NDST3: variants seen among roughly 807,000 people sequenced by gnomAD.
NDST3 encodes the protein N-deacetylase and N-sulfotransferase 3.
A neutral mutation model predicts 96.1 loss-of-function variants in NDST3; 58 were observed. The ratio of observed to expected loss-of-function variants is 0.60; its 90% confidence interval spans 0.49 to 0.75. The LOEUF (loss-of-function observed/expected upper bound fraction) is 0.75, where lower values mean the gene tolerates loss of function less well. NDST3 is among the 30% of genes least tolerant of loss of function. The probability of loss-of-function intolerance (pLI) is 0.00; values close to 1 mark genes in which losing one functional copy is unlikely to be tolerated. For synonymous variants in NDST3, 333 were observed against 359.7 expected, an observed-to-expected ratio of 0.93 and a Z score of 0.84; for missense variants, 788 against 1,034.2, an observed-to-expected ratio of 0.76 and a Z score of 3.27.
intron 6 of NDST3, among the ~76,000 whole-genome samples, chr4:118,176,790 G>T (rs577697005): frequency 6.6e-6 from 1 of 152,148 alleles, no homozygotes; most frequent in South Asian, 2.1e-4. Flanking sequence ...TTTACTTTAT[G>T]AGATATGAAA....
chr4:118,079,302 G>A (rs1727824082), intron 2 of NDST3, among the ~76,000 whole-genome samples: 1 of 152,190 alleles, frequency 6.6e-6, no homozygotes, highest in Non-Finnish European at 1.5e-5. Context: ...CAGGGTCAGT[G>A]GGATGCAGAG....
Position 118,233,989 on chromosome 4 carries a change from A to G in NDST3, c.1943+854A>G, listed in dbSNP as rs7661076. On this transcript the variant is annotated intron_variant, in intron 9 of 13. Transcript: ENST00000296499. ...AATGGAAAGGAAAAGAAATGGATTG[A>G]GTATAATTTGAGCACCTACTAGGAT... Among the ~76,000 whole-genome samples the G allele has an allele frequency of 1.6e-3, 249 of 152,330 alleles. 1 individual carries two copies. Among genetic ancestry groups the G allele is most frequent in the African/African-American group, 5.6e-3 (231 of 41,588 alleles).
rs1018809500 is a variant in NDST3, at chr4:118,194,806, C to T, written c.1540-29685C>T. ...GGCACCGGCACCAGCATACTCTGAGCCAAAGGCAGGGGTGCTACCTTCAGG... is the reference window on the plus strand; with the variant it reads ...GGCACCGGCACCAGCATACTCTGAGTCAAAGGCAGGGGTGCTACCTTCAGG... On this transcript the variant is annotated intron_variant, in intron 6 of 13. Coordinates refer to ENST00000296499, the MANE Select transcript of NDST3 (RefSeq NM_004784.3). 10 of 379,136 alleles carry T rather than the reference C, an allele frequency of 2.6e-5. No homozygotes were observed. The East Asian group carries it at 5.6e-4, about 21-fold the overall frequency. 23.5% of individuals were successfully genotyped at this position (379,136 alleles called of 1,614,324 possible).
intron 10 of NDST3, among the ~76,000 whole-genome samples, chr4:118,238,145 GA>G (rs1218051129): frequency 5.8e-5 from 7 of 121,344 alleles, no homozygotes; most frequent in African/African-American, 9.7e-5. Flanking sequence ...GAGAGAGAGA[GA>G]AAAGAAAGAA....
chr4:118,199,366 C>G (rs1737915830), intron 6 of NDST3, among the ~76,000 whole-genome samples: 1 of 152,064 alleles, frequency 6.6e-6, no homozygotes, highest in African/African-American at 2.4e-5. Context: ...CTTCAGCATG[C>G]CAGCTGCATT....
chr4:118,147,869 G>A (rs756456767), intron 6 of NDST3, among the ~76,000 whole-genome samples: 1 of 152,136 alleles, frequency 6.6e-6, no homozygotes, highest in Non-Finnish European at 1.5e-5. Context: ...TTATGCACTT[G>A]TTGAATAAAT....
At chr4:118,237,655 G>T (rs752968540) in intron 10 of NDST3, among the ~76,000 whole-genome samples, 1 of 152,018 alleles carries the variant, frequency 6.6e-6, no homozygotes, top group Non-Finnish European at 1.5e-5. Context: ...ATTGTATTTC[G>T]AAAGCAGCCA....
upstream of NDST3, chr4:118,033,703 C>A (rs1333253387): frequency 2.0e-5 from 3 of 152,036 alleles, no homozygotes; most frequent in Admixed American, 2.0e-4. Flanking sequence ...CTGCGCTCGC[C>A]CCGCAGCCGC....
intron 2 of NDST3, among the ~76,000 whole-genome samples, chr4:118,092,049 C>CTTATTTATTTAT (rs72446384): frequency 1.5e-3 from 82 of 54,700 alleles, no homozygotes; most frequent in Non-Finnish European, 3.4e-3. Context: ...TAGGTATTTT[C>CTTATTTATTTAT]TTATTTATTT....
At position 118,138,071 on chromosome 4, in the gene NDST3, G is replaced by A. The variant is rs140544161; in HGVS notation, c.1242G>A (p.Thr414=). 218 of 1,608,404 alleles carry A rather than the reference G, an allele frequency of 1.4e-4. No individual in the cohort carries two copies. Among genetic ancestry groups the A allele is most frequent in the Non-Finnish European group, 1.7e-4 (206 of 1,177,602 alleles). ...KKFALEHGIP[T]DMGYAVAPHH... ...GGTCTTAGGAGCACGGCATTCCAAC[G>A]GACATGGGCTACGCTGTGGCCCCTC... The change falls in exon 5 of 14, where the codon ACG becomes ACA. Residue 414 remains threonine (T), a synonymous_variant. Coordinates refer to ENST00000296499, the MANE Select transcript of NDST3 (RefSeq NM_004784.3).
intron 8 of NDST3, among the ~76,000 whole-genome samples, chr4:118,227,589 CTTCT>C (rs1026986744): frequency 3.4e-5 from 5 of 148,260 alleles, no homozygotes; most frequent in African/African-American, 4.9e-5. Context: ...TCACCATAAA[CTTCT>C]TTATCACCAT....
At chr4:118,090,489 A>G (rs746961840) in intron 2 of NDST3, among the ~76,000 whole-genome samples, 18 of 151,850 alleles carry the variant, frequency 1.2e-4, no homozygotes, top group Non-Finnish European at 2.2e-4. Flanking sequence ...TTGACCTTTA[A>G]TTAAACAAAA....
intron 7 of NDST3, among the ~76,000 whole-genome samples, chr4:118,225,759 C>A (rs890182584): frequency 6.6e-6 from 1 of 152,186 alleles, no homozygotes; most frequent in Non-Finnish European, 1.5e-5. Context: ...CTCCTGAGCA[C>A]ACACAGATGA....
intron 6 of NDST3, among the ~76,000 whole-genome samples, chr4:118,171,949 G>A (rs1735981858): frequency 1.3e-5 from 2 of 152,300 alleles, no homozygotes; most frequent in South Asian, 4.1e-4. Flanking sequence ...ACACACCTCA[G>A]TTGTCTTGCT....
chr4:118,068,292 A>T (rs943736823), intron 2 of NDST3, among the ~76,000 whole-genome samples: 4 of 151,360 alleles, frequency 2.6e-5, no homozygotes, highest in African/African-American at 9.7e-5. Flanking sequence ...AGCACACCCA[A>T]GTATACCTGT....
intron 1 of NDST3, among the ~76,000 whole-genome samples, chr4:118,044,802 C>G (rs188817633): frequency 6.6e-6 from 1 of 152,118 alleles, no homozygotes; most frequent in Non-Finnish European, 1.5e-5. Context: ...GGTTGAAGGG[C>G]AAGACAGCAT....
chr4:118,237,034 T>C lies in NDST3; in HGVS notation c.1944-12T>C, dbSNP rs565035571. On this transcript the variant is annotated splice_polypyrimidine_tract_variant and intron_variant, in intron 9 of 13. Coordinates refer to ENST00000296499, the MANE Select transcript of NDST3 (RefSeq NM_004784.3). ...CCAGAATCTTATTTTGAGAAAAATA[T>C]TCCTTTTCTAGGTATATGGATTTCT... 8 of 1,559,968 alleles carry C rather than the reference T, an allele frequency of 5.1e-6. No homozygotes were observed. In the African/African-American group the frequency reaches 6.9e-5, roughly 13 times the overall value.
At chr4:118,048,651 A>C (rs1724903709) in intron 1 of NDST3, among the ~76,000 whole-genome samples, 2 of 152,194 alleles carry the variant, frequency 1.3e-5, no homozygotes, top group South Asian at 4.1e-4. Context: ...CATAACAATA[A>C]AGAGTACAAT....
At chr4:118,231,738 A>G (rs1740308446) in intron 8 of NDST3, among the ~76,000 whole-genome samples, 1 of 152,190 alleles carries the variant, frequency 6.6e-6, no homozygotes, top group Non-Finnish European at 1.5e-5. Flanking sequence ...ATATATAGAA[A>G]TACTTTTATA....
Sources: allele counts gnomAD v4.1 joint callset (sites outside exome capture counted in the v4.1 genomes callset), GRCh38; gene constraint gnomAD v4.1.1; transcripts MANE v1.5; gene names NCBI Gene and HGNC (gene_info 2026-07-23, HGNC 2026-07-21).